ITGA8: variants seen among roughly 807,000 people sequenced by gnomAD.
ITGA8 encodes integrin alpha-8.
Under a neutral mutation model 142.3 loss-of-function variants are expected in ITGA8, and 91 were observed. That is an observed-to-expected ratio of 0.64 (90% CI 0.54 to 0.76). The LOEUF (loss-of-function observed/expected upper bound fraction) is 0.76, where lower values mean the gene tolerates loss of function less well. ITGA8 is among the 30% of genes least tolerant of loss of function. The probability of loss-of-function intolerance (pLI) is 0.00; values close to 1 mark genes in which losing one functional copy is unlikely to be tolerated. For missense variants in ITGA8, 1,406 were observed against 1,327.7 expected, an observed-to-expected ratio of 1.06 and a Z score of -0.92; for synonymous variants, 505 against 485.2, an observed-to-expected ratio of 1.04 and a Z score of -0.54.
At chr10:15,631,484 C>T (rs1236932699) in intron 13 of ITGA8, among the ~76,000 whole-genome samples, 3 of 151,874 alleles carry the variant, frequency 2.0e-5, no homozygotes, top group African/African-American at 7.3e-5. Flanking sequence ...CCAAACACCA[C>T]ATGTTCTCAC....
intron 4 of ITGA8, 25 bp downstream of exon 4, chr10:15,683,979 G>A (rs757120123): frequency 8.7e-6 from 14 of 1,613,582 alleles, no homozygotes; most frequent in Non-Finnish European, 1.2e-5. Flanking sequence ...GCTAATGTCA[G>A]TTTCAAGGAA....
intron 13 of ITGA8, among the ~76,000 whole-genome samples, chr10:15,636,780 T>G (rs1833778738): frequency 6.6e-6 from 1 of 152,238 alleles, no homozygotes; most frequent in Non-Finnish European, 1.5e-5. Flanking sequence ...AATTTAAATA[T>G]TTTTAAATGG....
intron 13 of ITGA8, among the ~76,000 whole-genome samples, chr10:15,624,132 C>A (rs143915001): frequency 6.6e-6 from 1 of 152,170 alleles, no homozygotes. Context: ...CTGTCAACAT[C>A]GGTGTACAGC....
At chr10:15,556,368 T>C (rs1833889766) in intron 26 of ITGA8, among the ~76,000 whole-genome samples, 1 of 152,000 alleles carries the variant, frequency 6.6e-6, no homozygotes, top group Non-Finnish European at 1.5e-5. Context: ...TGGATAACCC[T>C]GGACTTGTCA....
At position 15,616,439 on chromosome 10, in the gene ITGA8, C is replaced by G; in HGVS notation, c.1445+75G>C. On this transcript the variant is annotated intron_variant, in intron 14 of 29. Transcript: ENST00000378076. The stretch of plus-strand genomic sequence containing the variant: ...CCCCAGAATAAATCGTTGGAATGCT[C>G]TCTTTAAGGCAGAACTAACAAGAAA... 2.7e-6 allele frequency: 3 copies of G among 1,109,318 alleles called. No individual in the cohort carries two copies. The South Asian group carries it at 3.8e-5, about 14-fold the overall frequency. The allele number at this position is 1,109,318 out of a possible 1,614,324, so 68.7% of individuals were successfully genotyped here. A position where few individuals can be genotyped will look rare whatever the true frequency, so the allele number is the denominator to read the frequency against.
chr10:15,704,664 G>A (rs186036240), intron 2 of ITGA8, among the ~76,000 whole-genome samples: 23 of 152,202 alleles, frequency 1.5e-4, no homozygotes, highest in African/African-American at 5.3e-4. Context: ...ACTTCTGATG[G>A]CCAGGAACAC....
intron 2 of ITGA8, among the ~76,000 whole-genome samples, chr10:15,692,074 A>C (rs1447867161): frequency 1.3e-5 from 2 of 152,036 alleles, no homozygotes; most frequent in Non-Finnish European, 2.9e-5. Flanking sequence ...AGTAGCTGGA[A>C]ATACGGGTGC....
chr10:15,547,889 A>G (rs9333235), intron 27 of ITGA8, among the ~76,000 whole-genome samples: 20,202 of 152,174 alleles, frequency 0.13, 1,480 homozygotes, highest in Middle Eastern at 0.19. Context: ...CACTGGGTAT[A>G]TAACAGTGGA....
chr10:15,517,026 GTT>G lies in ITGA8; in HGVS notation c.*130_*131del. The G allele has an allele frequency of 3.7e-5, 18 of 486,978 alleles. No homozygotes were observed. The highest frequency in any genetic ancestry group is 1.5e-4 in the South Asian group (4 of 27,128). 30.2% of individuals were successfully genotyped at this position (486,978 alleles called of 1,614,324 possible). ...CAAAGTGCGGTGTAGATGAGGTGAT[GTT>G]TCCAGGGTCCCCTCCATTTCCTGGG... On this transcript the variant is annotated 3_prime_UTR_variant, in exon 30 of 30. Transcript: ENST00000378076.
chr10:15,648,320 C>G (rs1186500290), intron 11 of ITGA8, among the ~76,000 whole-genome samples: 1 of 151,608 alleles, frequency 6.6e-6, no homozygotes, highest in African/African-American at 2.4e-5. Flanking sequence ...ACTTTTATGC[C>G]TATGTAGATT....
chr10:15,576,458 TGTTTTCTAGCA>T (rs529877075), intron 23 of ITGA8, among the ~76,000 whole-genome samples: 2 of 152,348 alleles, frequency 1.3e-5, no homozygotes, highest in East Asian at 3.9e-4. Flanking sequence ...AACAAACCAA[TGTTTTCTAGCA>T]GTTTTTAGGT....
intron 28 of ITGA8, among the ~76,000 whole-genome samples, chr10:15,520,119 A>T (rs1187506780): frequency 6.6e-6 from 1 of 152,160 alleles, no homozygotes; most frequent in Non-Finnish European, 1.5e-5. Flanking sequence ...TTAATCCTAA[A>T]TCCAAAGATC....
At chr10:15,584,112 C>T (rs1375353324) in intron 23 of ITGA8, among the ~76,000 whole-genome samples, 2 of 152,104 alleles carry the variant, frequency 1.3e-5, no homozygotes, top group Non-Finnish European at 2.9e-5. Flanking sequence ...GCCTGGCCAA[C>T]ATGGTGAAAC....
intron 2 of ITGA8, among the ~76,000 whole-genome samples, chr10:15,711,069 A>G (rs1196750771): frequency 6.6e-6 from 1 of 152,232 alleles, no homozygotes; most frequent in Non-Finnish European, 1.5e-5. Flanking sequence ...CATGTATTTA[A>G]AGTGAGCTCT....
At chr10:15,612,198 G>A (rs190253524) in intron 15 of ITGA8, among the ~76,000 whole-genome samples, 41 of 152,144 alleles carry the variant, frequency 2.7e-4, no homozygotes, top group African/African-American at 8.2e-4. Context: ...ATGCTCTCCC[G>A]CCACACTCCC....
chr10:15,673,709 TAGAG>T (rs757348934), intron 6 of ITGA8, among the ~76,000 whole-genome samples: 5 of 152,208 alleles, frequency 3.3e-5, no homozygotes, highest in Non-Finnish European at 7.3e-5. Context: ...TGCTAAAATA[TAGAG>T]AGAGCATAAA....
chr10:15,669,430 T>C lies in ITGA8; in HGVS notation c.847+2173A>G, dbSNP rs1834464311. ...TAGTTATCCATTCATCTAGTTTTTT[T>C]CCAAAGCTTTTACGTTCTTTGCCAT... On this transcript the variant is annotated intron_variant, in intron 8 of 29. Transcript: ENST00000378076. 4.6e-5 allele frequency among the ~76,000 whole-genome samples: 7 copies of C among 152,172 alleles called. No homozygotes were observed. The South Asian group carries it at 1.4e-3, about 32-fold the overall frequency.
chr10:15,605,620 G>A, intron 19 of ITGA8, 104 bp downstream of exon 19: 1 of 933,070 alleles, frequency 1.1e-6, no homozygotes, highest in Non-Finnish European at 1.7e-6. Flanking sequence ...ACGCAGCATA[G>A]TTTTTGGTAG....
chr10:15,647,809 T>C (rs1181114024), intron 11 of ITGA8, among the ~76,000 whole-genome samples: 1 of 152,228 alleles, frequency 6.6e-6, no homozygotes, highest in African/African-American at 2.4e-5. Context: ...ATTTTGTCCT[T>C]CCCTTTCCTT....
Sources: allele counts gnomAD v4.1 joint callset (sites outside exome capture counted in the v4.1 genomes callset), GRCh38; gene constraint gnomAD v4.1.1; transcripts MANE v1.5; gene names NCBI Gene and HGNC (gene_info 2026-07-23, HGNC 2026-07-21).